Variants in TRPM2 observed in about 807,000 individuals in gnomAD.
TRPM2 encodes the protein estrogen-responsive element-associated gene 1 protein.
A neutral mutation model predicts 174.0 loss-of-function variants in TRPM2; 161 were observed. That is an observed-to-expected ratio of 0.93 (90% CI 0.81 to 1.05). The LOEUF (loss-of-function observed/expected upper bound fraction) is 1.05, where lower values mean the gene tolerates loss of function less well. Ranked by LOEUF, TRPM2 falls within the 50% of genes least tolerant of loss-of-function variation. The pLI, the probability that TRPM2 is intolerant of heterozygous loss-of-function variation, is 0.00. For synonymous variants in TRPM2, 954 were observed against 861.3 expected, an observed-to-expected ratio of 1.11 and a Z score of -1.88; for missense variants, 2,057 against 2,038.0, an observed-to-expected ratio of 1.01 and a Z score of -0.18.
At chr21:44,414,138 GC>G in intron 20 of TRPM2, 64 bp downstream of exon 20, 1 of 1,566,678 alleles carries the variant, frequency 6.4e-7, no homozygotes, top group Non-Finnish European at 8.7e-7. Context: ...GGCCGCAGTG[GC>G]CATGCTGTCT....
rs2051511980 is a variant in TRPM2, at chr21:44,441,708, A to C, written c.4403A>C (p.Asp1468Ala). The C allele has an allele frequency of 6.2e-6, 10 of 1,610,500 alleles. No individual in the cohort carries two copies. The highest frequency in any genetic ancestry group is 7.6e-6 in the Non-Finnish European group (9 of 1,178,722). The change falls in exon 32 of 32, where the codon GAC becomes GCC. Residue 1468 changes from aspartate to alanine, a missense_variant. Coordinates refer to ENST00000397928, the MANE Select transcript of TRPM2 (RefSeq NM_003307.4). ...NRLNSNLHAC[D>A]SGASIRWQVV... Reference sequence around the variant, plus strand: ...TTCTTCCAGAACCTGCACGCCTGCGACTCGGGGGCCTCCATCCGATGGCAG... The same window carrying C: ...TTCTTCCAGAACCTGCACGCCTGCGCCTCGGGGGCCTCCATCCGATGGCAG...
intron 28 of TRPM2, among the ~76,000 whole-genome samples, chr21:44,436,332 C>G (rs924886433): frequency 7.9e-5 from 12 of 152,276 alleles, no homozygotes; most frequent in Non-Finnish European, 1.6e-4. Context: ...GGACCTCCCC[C>G]CAGCGGAGGG....
At chr21:44,423,590 G>A (rs1296369487) in intron 22 of TRPM2, 55 bp from the exon 23 acceptor site, 20 of 1,508,872 alleles carry the variant, frequency 1.3e-5, no homozygotes, top group East Asian at 4.6e-5. Context: ...GCGGTGTGGC[G>A]TTCCCAGGGC....
At chr21:44,407,549 C>A (rs2049948920) in intron 19 of TRPM2, among the ~76,000 whole-genome samples, 1 of 135,558 alleles carries the variant, frequency 7.4e-6, no homozygotes, top group African/African-American at 2.7e-5. Flanking sequence ...TTTACAGAAT[C>A]TAACTTTATA....
At chr21:44,373,482 T>G (rs1371883749) in intron 5 of TRPM2, among the ~76,000 whole-genome samples, 1 of 152,250 alleles carries the variant, frequency 6.6e-6, no homozygotes, top group African/African-American at 2.4e-5. Flanking sequence ...CCACTGCGCT[T>G]GGCCGTTGGC....
At chr21:44,359,603 T>A (rs756262824) in intron 2 of TRPM2, among the ~76,000 whole-genome samples, 8 of 151,400 alleles carry the variant, frequency 5.3e-5, no homozygotes, top group African/African-American at 1.9e-4. Context: ...TTGTTTGTTT[T>A]TTTTTAATTC....
rs756391039 is a variant in TRPM2 at position 44,418,107 on chromosome 21, CA to C, written c.3328del (p.Lys1110ArgfsTer19). The C allele has an allele frequency of 1.2e-6, 2 of 1,608,692 alleles. No homozygotes were observed. Among genetic ancestry groups the C allele is most frequent in the African/African-American group, 2.7e-5 (2 of 74,892 alleles). On this transcript the variant is annotated frameshift_variant and splice_region_variant, in exon 21 of 32. Transcript: ENST00000397928. LOFTEE classifies it high-confidence loss of function. ...CTCCGGCCAAGAGGCACAAGCAGCT[CA>C]GTATGCCAGCCCCAGTGCCTCTCCT... ...KTPAKRHKQL[K>X]NKLEKNEEAA...
At position 44,369,315 on chromosome 21, in the gene TRPM2, A is replaced by C. The variant is rs751617178; in HGVS notation, c.743A>C (p.His248Pro). 1.9e-5 allele frequency: 30 copies of C among 1,613,022 alleles called. No individual in the cohort carries two copies. Among genetic ancestry groups the C allele is most frequent in the South Asian group, 1.6e-4 (15 of 91,028 alleles). ...TIGVATWGTVHRREGLIHPTG... is the reference protein window; with the variant it reads ...TIGVATWGTVPRREGLIHPTG... ...GGAGTCGCCACCTGGGGCACTGTCC[A>C]CCGCCGCGAGGGCCTGATCCATCCC... Residue 248 changes from histidine to proline, a missense_variant, in exon 5 of 32, where the codon CAC (histidine) becomes CCC (proline). Physicochemically the swap from His to Pro is moderately conservative, Grantham distance 77 (BLOSUM62 -2). Coordinates refer to ENST00000397928, the MANE Select transcript of TRPM2 (RefSeq NM_003307.4).
chr21:44,359,987 C>T (rs2048167788), intron 2 of TRPM2, among the ~76,000 whole-genome samples: 1 of 151,864 alleles, frequency 6.6e-6, no homozygotes, highest in Non-Finnish European at 1.5e-5. Context: ...ATGTTGTGAC[C>T]CGCCCACCTC....
chr21:44,375,856 A>C lies in TRPM2; in HGVS notation c.795A>C (p.Ile265=). ...HPTGSFPAEY[I]LDEDGQGNLT... The stretch of plus-strand genomic sequence containing the variant: ...AGGGCAGCTTCCCCGCCGAGTACAT[A>C]CTGGATGAGGATGGCCAAGGGAACC... The change falls in exon 6 of 32, where the codon ATA becomes ATC. Residue 265 remains isoleucine, a synonymous_variant. Transcript: ENST00000397928. 6.2e-7 allele frequency: 1 copy of C among 1,613,868 alleles called. No individual in the cohort carries two copies. The highest frequency in any genetic ancestry group is 1.1e-5 in the South Asian group (1 of 91,070).
In TRPM2 at chr21:44,441,706, C is replaced by G; in HGVS notation, c.4401C>G (p.Cys1467Trp). The G allele has an allele frequency of 6.2e-7, 1 of 1,610,472 alleles. No individual in the cohort carries two copies. Residue 1467 changes from cysteine (C) to tryptophan (W), a missense_variant, in exon 32 of 32, where the codon TGC becomes TGG. Coordinates refer to ENST00000397928, the MANE Select transcript of TRPM2 (RefSeq NM_003307.4). ...LNRLNSNLHA[C>W]DSGASIRWQV... ...TGTTCTTCCAGAACCTGCACGCCTG[C>G]GACTCGGGGGCCTCCATCCGATGGC...
intron 21 of TRPM2, 66 bp from the exon 22 acceptor site, chr21:44,418,357 G>A (rs2050390057): frequency 6.3e-7 from 1 of 1,587,966 alleles, no homozygotes; most frequent in Admixed American, 1.7e-5. Flanking sequence ...CCCCCGGTGG[G>A]TCAGGGCTTC....
Position 44,366,660 on chromosome 21 carries a change from G to A in TRPM2, c.424-94G>A. On this transcript the variant is annotated intron_variant, in intron 3 of 31. Transcript: ENST00000397928. The surrounding 1 kb of genome is among the most constrained non-coding windows in gnomAD (Gnocchi z 6.0). ...GCCGGAAAGGTGTGCGGTGTCTGCCGCCCGCTGGGGCCTCTCTGCATGGCC... is the reference window on the plus strand; with the variant it reads ...GCCGGAAAGGTGTGCGGTGTCTGCCACCCGCTGGGGCCTCTCTGCATGGCC... The A allele has an allele frequency of 1.9e-6, 3 of 1,563,026 alleles. No individual in the cohort carries two copies. Among genetic ancestry groups the A allele is most frequent in the Non-Finnish European group, 2.6e-6 (3 of 1,145,062 alleles).
chr21:44,383,873 A>G (rs1030948059), intron 9 of TRPM2, among the ~76,000 whole-genome samples: 1 of 152,242 alleles, frequency 6.6e-6, no homozygotes, highest in African/African-American at 2.4e-5. Context: ...CTAATGGAGA[A>G]GTTTATAGCT....
At chr21:44,375,186 A>G (rs2048660994) in intron 5 of TRPM2, among the ~76,000 whole-genome samples, 1 of 152,192 alleles carries the variant, frequency 6.6e-6, no homozygotes, top group African/African-American at 2.4e-5. Context: ...CTGGGATTCC[A>G]GGCGTGAGCC....
Position 44,427,039 on chromosome 21 carries a change from A to T in TRPM2, c.3902A>T (p.Tyr1301Phe). The stretch of plus-strand genomic sequence containing the variant: ...CTGGAGCCACTGTCCACGATCCAGT[A>T]CAACGTGGTGGATGGCCTGAGGGAC... Reference protein sequence around the residue: ...DTLEPLSTIQYNVVDGLRDRR... With the variant: ...DTLEPLSTIQFNVVDGLRDRR... Residue 1301 changes from tyrosine to phenylalanine, a missense_variant, in exon 27 of 32, where the codon TAC becomes TTC. Physicochemically the swap from Tyr to Phe is conservative, Grantham distance 22 (BLOSUM62 3). Transcript: ENST00000397928. 1 of 1,606,594 alleles carries T rather than the reference A, an allele frequency of 6.2e-7. No individual in the cohort carries two copies. The highest frequency in any genetic ancestry group is 2.2e-5 in the East Asian group (1 of 44,670).
chr21:44,380,641 T>C (rs1205905870), intron 8 of TRPM2, among the ~76,000 whole-genome samples: 1 of 152,176 alleles, frequency 6.6e-6, no homozygotes, highest in African/African-American at 2.4e-5. Flanking sequence ...CCAGGGTCAG[T>C]GCGCTCCTTT....
In TRPM2 at chr21:44,405,215, TG is replaced by T. The variant is rs1569074597; in HGVS notation, c.2614del (p.Asp872ThrfsTer12). On this transcript the variant is annotated frameshift_variant, in exon 17 of 32. Transcript: ENST00000397928. LOFTEE classifies it high-confidence loss of function. ...TACTTCAGTGACTTCTGGAATAAGC[TG>T]GACGTCGGCGCAATCTTGCTCTTCG... ...ALYFSDFWNK[L>X]DVGAILLFVA... is the part of the protein sequence containing the mutation. The T allele has an allele frequency of 1.9e-6, 3 of 1,613,448 alleles. No homozygotes were observed. In the South Asian group the frequency reaches 3.3e-5, roughly 18 times the overall value.
intron 8 of TRPM2, among the ~76,000 whole-genome samples, chr21:44,379,939 C>T (rs1005460143): frequency 3.3e-5 from 5 of 152,202 alleles, no homozygotes; most frequent in Admixed American, 6.5e-5. Flanking sequence ...CCTGCAGACC[C>T]GGGACATCTC....
Sources: allele counts gnomAD v4.1 joint callset (sites outside exome capture counted in the v4.1 genomes callset), GRCh38; gene constraint gnomAD v4.1.1; non-coding constraint Gnocchi (gnomAD v3.1); transcripts MANE v1.5; gene names NCBI Gene and HGNC (gene_info 2026-07-23, HGNC 2026-07-21).